GLB1L3: variants seen among roughly 807,000 people sequenced by gnomAD.
The protein encoded by GLB1L3 is beta-galactosidase-1-like protein 3.
Under a neutral mutation model 89.5 loss-of-function variants are expected in GLB1L3, and 89 were observed. The ratio of observed to expected loss-of-function variants is 0.99; its 90% CI spans 0.84 to 1.19. The LOEUF (loss-of-function observed/expected upper bound fraction) is 1.19, where lower values mean the gene tolerates loss of function less well. Ranked by LOEUF, GLB1L3 falls within the 50% of genes most tolerant of loss-of-function variation. GLB1L3 has a pLI of 0.00. For missense variants in GLB1L3, 812 were observed against 813.3 expected (o/e 1.00, Z 0.02); for synonymous variants, 314 against 312.3 (o/e 1.01, Z -0.06).
At chr11:134,290,976 C>T (rs532598054) in intron 7 of GLB1L3, among the ~76,000 whole-genome samples, 6 of 152,204 alleles carry the variant, frequency 3.9e-5, no homozygotes, top group African/African-American at 7.2e-5. Context: ...AACCCACACT[C>T]GACCGATTTT....
intron 13 of GLB1L3, chr11:134,311,382 G>T (rs1281747317): frequency 1.8e-6 from 1 of 547,328 alleles, no homozygotes; most frequent in Non-Finnish European, 3.3e-6. Context: ...GCAGCAGGAC[G>T]TCGGAGGATC....
intron 7 of GLB1L3, among the ~76,000 whole-genome samples, chr11:134,291,047 C>T (rs529620271): frequency 6.6e-6 from 1 of 152,198 alleles, no homozygotes; most frequent in South Asian, 2.1e-4. Context: ...CCCCAATTTA[C>T]TAAGTTGCAG....
At chr11:134,290,522 G>A (rs975581029) in intron 7 of GLB1L3, among the ~76,000 whole-genome samples, 13 of 147,226 alleles carry the variant, frequency 8.8e-5, no homozygotes, top group African/African-American at 3.3e-4. Context: ...GCAGTGAGCC[G>A]AGATTATGCC....
chr11:134,283,792 G>A lies in GLB1L3; in HGVS notation c.583G>A (p.Glu195Lys), dbSNP rs1278424870. 1 of 1,613,220 alleles carries A rather than the reference G, an allele frequency of 6.2e-7. No individual in the cohort carries two copies. The highest frequency in any genetic ancestry group is 1.1e-5 in the South Asian group (1 of 90,750). ...GAGGACAACCAACAAGAGCTTCATT[G>A]AAGCAGTTGAGAAGTATTTTGACCA... is the stretch of plus-strand genomic sequence containing the variant. ...LLRTTNKSFI[E>K]AVEKYFDHLI... Residue 195 changes from glutamate (E) to lysine (K), a missense_variant, in exon 6 of 20, where the codon GAA becomes AAA. Glu to Lys is a moderately conservative substitution (Grantham distance 56). Around this residue, in one of 3 missense-constraint regions of GLB1L3, gnomAD observed 618 missense variants for 604.0 expected, o/e 1.02. Transcript: ENST00000431683.
chr11:134,277,473 C>G, intron 2 of GLB1L3, 22 bp downstream of exon 2: 1 of 1,607,122 alleles, frequency 6.2e-7, no homozygotes, highest in Non-Finnish European at 8.5e-7. Flanking sequence ...AGCTACATCC[C>G]TGGGGAGGGA....
intron 9 of GLB1L3, among the ~76,000 whole-genome samples, chr11:134,297,979 GTCT>G (rs1485160291): frequency 1.3e-5 from 2 of 151,512 alleles, no homozygotes; most frequent in Non-Finnish European, 2.9e-5. Context: ...GTACAATAGT[GTCT>G]TCTTAATTCC....
At chr11:134,285,227 A>G (rs1448586954) in intron 6 of GLB1L3, among the ~76,000 whole-genome samples, 1 of 151,842 alleles carries the variant, frequency 6.6e-6, no homozygotes, top group Non-Finnish European at 1.5e-5. Context: ...TGCGCCCAAC[A>G]GCATTGCCTT....
intron 6 of GLB1L3, among the ~76,000 whole-genome samples, chr11:134,286,876 C>A (rs1941027214): frequency 6.6e-6 from 1 of 151,070 alleles, no homozygotes; most frequent in Admixed American, 6.6e-5. Flanking sequence ...AAATTAATGT[C>A]CAGGCTGGGA....
chr11:134,293,180 G>A lies in GLB1L3; in HGVS notation c.847G>A (p.Asp283Asn). Residue 283 changes from aspartate (D) to asparagine (N), a missense_variant, in exon 9 of 20, where the codon GAT becomes AAT. Around this residue, in one of 3 missense-constraint regions of GLB1L3, gnomAD observed 618 missense variants for 604.0 expected, o/e 1.02. Coordinates refer to ENST00000431683, the MANE Select transcript of GLB1L3 (RefSeq NM_001080407.3). ...AAINLQKLHQDTFNQLHKVQR... is the reference protein window; with the variant it reads ...AAINLQKLHQNTFNQLHKVQR... Reference sequence around the variant, plus strand: ...CATCAATTTGCAAAAACTTCACCAGGATACTTTCAATCAGCTTCATAAAGT... The same window carrying A: ...CATCAATTTGCAAAAACTTCACCAGAATACTTTCAATCAGCTTCATAAAGT... The A allele has an allele frequency of 1.9e-6, 3 of 1,613,848 alleles. No homozygotes were observed. The highest frequency in any genetic ancestry group is 1.1e-5 in the South Asian group (1 of 91,056).
chr11:134,293,040 G>T, intron 8 of GLB1L3, 105 bp from the exon 9 acceptor site: 1 of 863,384 alleles, frequency 1.2e-6, no homozygotes, highest in Non-Finnish European at 1.9e-6. Flanking sequence ...CCTCACTGCT[G>T]AGCATGGGTT....
At chr11:134,287,013 G>A (rs186053874) in intron 6 of GLB1L3, 1 of 146,212 alleles carries the variant, frequency 6.8e-6, no homozygotes, top group Non-Finnish European at 1.5e-5. Flanking sequence ...TAGAAAAAAT[G>A]AGCCGGGCGT....
At position 134,277,891 on chromosome 11, in the gene GLB1L3, G is replaced by A. The variant is rs1940466814; in HGVS notation, c.341G>A (p.Cys114Tyr). ...WRDRLLKLKA[C>Y]GFNTVTTYVP... ...GACCGCCTGCTGAAGCTGAAGGCCT[G>A]TGGCTTCAATACTGTCACCACGTGA... The change falls in exon 3 of 20, where the codon TGT becomes TAT. Residue 114 changes from cysteine (C) to tyrosine (Y), a missense_variant. This residue lies in a region of GLB1L3 where 191 missense variants were observed against 191.4 expected (regional missense o/e 1.00). Transcript: ENST00000431683. 2.5e-6 allele frequency: 4 copies of A among 1,614,002 alleles called. No individual in the cohort carries two copies. Among genetic ancestry groups the A allele is most frequent in the Non-Finnish European group, 3.4e-6 (4 of 1,179,968 alleles).
chr11:134,320,688 A>G (rs1040608494), downstream of GLB1L3, among the ~76,000 whole-genome samples: 2 of 152,096 alleles, frequency 1.3e-5, no homozygotes, highest in Admixed American at 1.3e-4. Flanking sequence ...AGAGAAAAAG[A>G]GCTCACAACT....
rs764017959 is a variant in GLB1L3, at chr11:134,314,419, A to C, written c.1757A>C (p.Lys586Thr). The change falls in exon 18 of 20, where the codon AAG becomes ACG. Residue 586 changes from lysine (K) to threonine (T), a missense_variant. Lys to Thr is a moderately conservative substitution (Grantham distance 78, BLOSUM62 -1). Around this residue, in one of 3 missense-constraint regions of GLB1L3, gnomAD observed 618 missense variants for 604.0 expected, o/e 1.02. Coordinates refer to ENST00000431683, the MANE Select transcript of GLB1L3 (RefSeq NM_001080407.3). ...CGTLKAGPSP[K>T]DTFLSLLNWN... ...ACCTTGAAGGCTGGCCCTTCTCCCA[A>C]GGACACCTTCCTGAGCCTGCTGGTA... 2.6e-6 allele frequency: 4 copies of C among 1,551,110 alleles called. No individual in the cohort carries two copies. The South Asian group carries it at 4.8e-5, about 18-fold the overall frequency.
chr11:134,319,714 CTCTCTGTG>C (rs1335729790), downstream of GLB1L3: 2 of 139,698 alleles, frequency 1.4e-5, no homozygotes. Context: ...CTCTCTCTCT[CTCTCTGTG>C]TATGTGTGTG....
chr11:134,278,729 C>A (rs560661561), intron 3 of GLB1L3, among the ~76,000 whole-genome samples: 3 of 152,174 alleles, frequency 2.0e-5, no homozygotes, highest in Non-Finnish European at 2.9e-5. Flanking sequence ...TGCCTTATTG[C>A]AGAGCTGGTA....
At chr11:134,318,507 T>C in intron 18 of GLB1L3, 124 bp from the exon 19 acceptor site, 2 of 653,280 alleles carry the variant, frequency 3.1e-6, no homozygotes, top group Non-Finnish European at 5.5e-6. Context: ...CATATCCCAC[T>C]CTAAACTCAC....
chr11:134,277,476 G>T (rs978636511), intron 2 of GLB1L3, 25 bp downstream of exon 2: 1 of 1,605,042 alleles, frequency 6.2e-7, no homozygotes, highest in African/African-American at 1.3e-5. Flanking sequence ...TACATCCCTG[G>T]GGAGGGAGGG....
rs190388497 is a variant in GLB1L3 at position 134,276,939 on chromosome 11, C to G, written c.23+176C>G. ...CGGCAGATCCCCTGGCTACCCCCAC[C>G]CTGCGGAGGGGCCGTTCACCAGATG... On this transcript the variant is annotated intron_variant, in intron 1 of 19. Transcript: ENST00000431683. 7.0e-3 allele frequency among the ~76,000 whole-genome samples: 1,068 copies of G among 152,332 alleles called. 9 individuals carry two copies. Among genetic ancestry groups the G allele is most frequent in the African/African-American group, 0.024 (1,006 of 41,590 alleles).
Sources: allele counts gnomAD v4.1 joint callset (sites outside exome capture counted in the v4.1 genomes callset), GRCh38; gene constraint gnomAD v4.1.1; regional missense constraint gnomAD v4.1.1; transcripts MANE v1.5; gene names NCBI Gene and HGNC (gene_info 2026-07-23, HGNC 2026-07-21).